The following PUDP variants were observed in gnomAD, a reference collection of about 807,000 sequenced individuals.
PUDP encodes pseudouridine 5'-phosphatase.
PUDP carries 8 observed loss-of-function variants against 9.4 expected under a neutral mutation model. The ratio of observed to expected loss-of-function variants is 0.85; its 90% CI spans 0.50 to 1.53. PUDP has a LOEUF of 1.53. PUDP is among the 40% of genes most tolerant of loss of function. The pLI, the probability that PUDP is intolerant of heterozygous loss-of-function variation, is 0.00. For synonymous variants in PUDP, 99 were observed against 80.7 expected (o/e 1.23, Z -1.22); for missense variants, 188 against 189.7 (o/e 0.99, Z 0.05).
At chrX:6,965,071 T>C (rs1738837049) in intron 3 of PUDP, among the ~76,000 whole-genome samples, 1 of 112,104 alleles carries the variant, frequency 8.9e-6, no homozygotes. Context: ...AGGCCAAGGC[T>C]CTCTTCTTTG....
chrX:6,722,375 G>T (rs748078683), upstream of PUDP, among the ~76,000 whole-genome samples: 4 of 109,345 alleles, frequency 3.7e-5, no homozygotes, highest in Non-Finnish European at 7.6e-5. Context: ...AACCCGGGAG[G>T]CAGAGGTTAC....
rs375520648 is a variant in PUDP, at chrX:6,732,149, A to T, written c.*248-25683T>A. On this transcript the variant is annotated intron_variant and NMD_transcript_variant, in intron 3 of 3. Transcript: ENST00000655425. ...AGTAATTTTTGGGGGAAATTGTAGG[A>T]GGCTGTTCCAGGCATCTCTCCTCCC... Among the ~76,000 whole-genome samples, 6 of 111,519 alleles carry T rather than the reference A, an allele frequency of 5.4e-5. No homozygotes were observed. The East Asian group carries it at 1.4e-3, about 26-fold the overall frequency.
intron 3 of PUDP, among the ~76,000 whole-genome samples, chrX:6,812,226 G>C (rs1039141438): frequency 8.9e-6 from 1 of 111,887 alleles, no homozygotes; most frequent in African/African-American, 3.2e-5. Flanking sequence ...GCACAAGGAG[G>C]GTGAGATGTC....
intron 3 of PUDP, among the ~76,000 whole-genome samples, chrX:6,879,200 G>A (rs12688362): frequency 0.093 from 10,333 of 111,611 alleles, 609 homozygotes; most frequent in East Asian, 0.46. Flanking sequence ...TCTACATGCA[G>A]TGAAGGAAAA....
chrX:6,986,444 C>T (rs982787632), intron 1 of PUDP, among the ~76,000 whole-genome samples: 2 of 111,274 alleles, frequency 1.8e-5, no homozygotes, highest in East Asian at 2.8e-4. Context: ...AGGGGCTCGG[C>T]GCAGGCTCTT....
chrX:6,887,544 G>A (rs759074292), intron 3 of PUDP, among the ~76,000 whole-genome samples: 10 of 110,266 alleles, frequency 9.1e-5, no homozygotes, highest in African/African-American at 2.3e-4. Context: ...GGTGGGTCTC[G>A]GGCGTGAGCT....
chrX:6,850,375 C>T (rs751935108), intron 3 of PUDP, among the ~76,000 whole-genome samples: 7 of 112,190 alleles, frequency 6.2e-5, no homozygotes, highest in South Asian at 7.4e-4. Flanking sequence ...GTTGGAGACA[C>T]GGGTGGTGGT....
chrX:7,102,100 G>T (rs1931751898), intron 2 of PUDP, among the ~76,000 whole-genome samples: 1 of 110,681 alleles, frequency 9.0e-6, no homozygotes, highest in Non-Finnish European at 1.9e-5. Context: ...AGGACCAGAT[G>T]GCTTCACTGG....
chrX:7,112,853 C>T (rs1193874203), intron 1 of PUDP, among the ~76,000 whole-genome samples: 3 of 110,996 alleles, frequency 2.7e-5, no homozygotes, highest in African/African-American at 3.3e-5. Context: ...TGTAGAGACA[C>T]GGTCTCCCTA....
At chrX:6,815,935 T>C (rs1926223553) in intron 3 of PUDP, among the ~76,000 whole-genome samples, 1 of 107,769 alleles carries the variant, frequency 9.3e-6, no homozygotes, top group Non-Finnish European at 1.9e-5. Flanking sequence ...TATATGGGGC[T>C]TTATATATAT....
Position 6,749,783 on chromosome X carries a change from T to C in PUDP, c.*248-43317A>G, listed in dbSNP as rs762435204. Among the ~76,000 whole-genome samples the C allele has an allele frequency of 2.7e-5, 3 of 111,984 alleles. No homozygotes were observed. In the East Asian group the frequency reaches 8.5e-4, roughly 32 times the overall value. ...CTGCAACCTGAAGGAAATGAACACG[T>C]TGAGTCACTAACAACCTCTCTTGCA... On this transcript the variant is annotated intron_variant and NMD_transcript_variant, in intron 3 of 3. Transcript: ENST00000655425.
intron 3 of PUDP, among the ~76,000 whole-genome samples, chrX:6,920,984 A>G (rs1424545969): frequency 9.0e-6 from 1 of 111,105 alleles, no homozygotes; most frequent in African/African-American, 3.3e-5. Context: ...TATATACCCC[A>G]TGGACCACTG....
At chrX:6,928,489 T>C (rs1262275889) in intron 3 of PUDP, among the ~76,000 whole-genome samples, 2 of 111,897 alleles carry the variant, frequency 1.8e-5, no homozygotes, top group Admixed American at 9.5e-5. Context: ...TGAGATCTTA[T>C]GTTTCATTTT....
intron 3 of PUDP, among the ~76,000 whole-genome samples, chrX:6,900,130 C>G (rs1362188940): frequency 9.0e-6 from 1 of 110,994 alleles, no homozygotes; most frequent in Non-Finnish European, 1.9e-5. Context: ...GGGAGGATCA[C>G]TTGACCCCAG....
intron 1 of PUDP, among the ~76,000 whole-genome samples, chrX:7,031,177 T>G (rs1290322604): frequency 9.0e-6 from 1 of 111,299 alleles, no homozygotes; most frequent in Non-Finnish European, 1.9e-5. Context: ...AGCAAGGTCT[T>G]TATGACCTGT....
At chrX:7,140,517 C>T (rs1274748241) in intron 1 of PUDP, among the ~76,000 whole-genome samples, 1 of 110,629 alleles carries the variant, frequency 9.0e-6, no homozygotes, top group African/African-American at 3.3e-5. Flanking sequence ...TTTAAGTCTC[C>T]ATCTACTCCT....
chrX:6,904,875 C>T (rs1927744994), intron 3 of PUDP, among the ~76,000 whole-genome samples: 1 of 111,752 alleles, frequency 8.9e-6, no homozygotes, highest in Admixed American at 9.5e-5. Context: ...CACACAAGCC[C>T]TCTAAGCACA....
chrX:6,706,239 A>C (rs761254251), intron 2 of PUDP: 2 of 112,421 alleles, frequency 1.8e-5, no homozygotes, highest in Non-Finnish European at 3.8e-5. Context: ...TGGGGAAAAG[A>C]AAAAAGCTCT....
chrX:6,847,735 A>G (rs746193628), intron 3 of PUDP, among the ~76,000 whole-genome samples: 17 of 112,193 alleles, frequency 1.5e-4, no homozygotes, highest in African/African-American at 5.2e-4. Flanking sequence ...GCTTAAAACA[A>G]CAGCCATTTA....
Sources: allele counts gnomAD v4.1 joint callset (sites outside exome capture counted in the v4.1 genomes callset), GRCh38; gene constraint gnomAD v4.1.1; transcripts MANE v1.5; gene names NCBI Gene and HGNC (gene_info 2026-07-23, HGNC 2026-07-21).